UTS2B: variants seen among roughly 807,000 people sequenced by gnomAD.
The protein encoded by UTS2B is urotensin 2B, also known as urotensin-2B.
UTS2B carries 21 observed loss-of-function variants against 19.2 expected under a neutral mutation model. The observed-to-expected ratio is 1.09, with a 90% CI of 0.78 to 1.58. UTS2B has a LOEUF of 1.58. Among genes scored for constraint, UTS2B ranks in the 40% most tolerant of loss-of-function variants. The pLI is 0.00. For missense variants in UTS2B, 138 were observed against 130.3 expected (o/e 1.06, Z -0.29); for synonymous variants, 57 against 50.2 (o/e 1.14, Z -0.58).
intron 3 of UTS2B, among the ~76,000 whole-genome samples, chr3:191,314,856 G>A (rs1717402776): frequency 6.6e-6 from 1 of 152,148 alleles, no homozygotes; most frequent in African/African-American, 2.4e-5. Flanking sequence ...GTTTCTGGAG[G>A]ATGGGGCTCC....
chr3:191,302,707 T>C (rs1357726548), intron 4 of UTS2B, among the ~76,000 whole-genome samples: 1 of 152,212 alleles, frequency 6.6e-6, no homozygotes, highest in African/African-American at 2.4e-5. Context: ...GACATGGAGA[T>C]TGAGAAGAAA....
Position 191,278,142 on chromosome 3 carries a change from A to T in UTS2B, c.132T>A (p.Tyr44Ter), listed in dbSNP as rs1225498855. ...CCAGCAATAGTTCCTCACGATTTGTATATTTTTTATCTGGAAATATTTCAT... is the reference window on the plus strand; with the variant it reads ...CCAGCAATAGTTCCTCACGATTTGTTTATTTTTTATCTGGAAATATTTCAT... The part of the protein sequence containing the change: ...QGNEIFPDKK[Y>*]TNREELLLAL... Residue 44 changes from tyrosine to a stop codon, truncating the protein, a stop_gained, in exon 6 of 9, where the codon TAT becomes TAA. Coordinates refer to ENST00000340524, the MANE Select transcript of UTS2B (RefSeq NM_198152.5). LOFTEE classifies it high-confidence loss of function. The T allele has an allele frequency of 2.6e-6, 4 of 1,553,882 alleles. No individual in the cohort carries two copies. The highest frequency in any genetic ancestry group is 1.7e-4 in the Middle Eastern group (1 of 5,936).
intron 6 of UTS2B, 32 bp downstream of exon 6, chr3:191,278,040 A>C (rs371155849): frequency 4.1e-5 from 47 of 1,149,062 alleles, no homozygotes; most frequent in Admixed American, 5.8e-5. Flanking sequence ...TTATTTTTTA[A>C]TAAATAGAGC....
At chr3:191,297,752 T>C (rs1018757557) in intron 4 of UTS2B, among the ~76,000 whole-genome samples, 3 of 152,236 alleles carry the variant, frequency 2.0e-5, no homozygotes, top group Admixed American at 6.5e-5. Context: ...ACCTGGCACA[T>C]AGTGTTAGTT....
rs190292323 is a variant in UTS2B, at chr3:191,289,192, G to A, written c.-124-6879C>T. Among the ~76,000 whole-genome samples, 28 of 152,132 alleles carry A rather than the reference G, an allele frequency of 1.8e-4. No homozygotes were observed. In the East Asian group the frequency reaches 5.4e-3, roughly 29 times the overall value. On this transcript the variant is annotated intron_variant, in intron 4 of 8. Transcript: ENST00000340524. ...TGGGAGACCGAGGTGGGTGGATCAC[G>A]AAGTCAGGAGATCGAGACCATCCTG...
At chr3:191,329,806 G>T (rs888480461) in intron 1 of UTS2B, 2 of 1,443,936 alleles carry the variant, frequency 1.4e-6, no homozygotes, top group Non-Finnish European at 1.9e-6. Context: ...TTGCCATTTC[G>T]GCTCCCGCGG....
At chr3:191,284,768 TG>T (rs1030219924) in intron 4 of UTS2B, among the ~76,000 whole-genome samples, 6 of 151,844 alleles carry the variant, frequency 4.0e-5, no homozygotes, top group African/African-American at 1.4e-4. Context: ...TTAAGAAATC[TG>T]ATATAATTTC....
chr3:191,275,354 AT>A lies in UTS2B; in HGVS notation c.241-10del. ...TCTTTTAGCTTTTCCAGCTGATAAA[AT>A]TGTAAAATGATAATTAATTGGTCTT... On this transcript the variant is annotated splice_polypyrimidine_tract_variant and intron_variant, in intron 7 of 8. Coordinates refer to ENST00000340524, the MANE Select transcript of UTS2B (RefSeq NM_198152.5). 1 of 1,608,666 alleles carries A rather than the reference AT, an allele frequency of 6.2e-7. No individual in the cohort carries two copies. Among genetic ancestry groups the A allele is most frequent in the South Asian group, 1.1e-5 (1 of 90,970 alleles).
chr3:191,299,917 T>C (rs961263354), intron 4 of UTS2B, among the ~76,000 whole-genome samples: 1 of 152,246 alleles, frequency 6.6e-6, no homozygotes, highest in Non-Finnish European at 1.5e-5. Context: ...GTGCCCTGGA[T>C]AGGAGACATG....
chr3:191,339,881 G>T, the UTS2B span, among the ~76,000 whole-genome samples: 35 of 152,178 alleles, frequency 2.3e-4, no homozygotes, highest in Non-Finnish European at 4.0e-4. Flanking sequence ...TGTGGTGAAA[G>T]ATACTATACA....
intron 4 of UTS2B, among the ~76,000 whole-genome samples, chr3:191,288,368 C>T (rs1398159382): frequency 6.6e-6 from 1 of 152,140 alleles, no homozygotes; most frequent in African/African-American, 2.4e-5. Context: ...CACTACATTA[C>T]TACAATATAC....
intron 8 of UTS2B, among the ~76,000 whole-genome samples, chr3:191,272,312 GA>G: frequency 6.6e-6 from 1 of 152,194 alleles, no homozygotes; most frequent in South Asian, 2.1e-4. Flanking sequence ...CAAGGAAACT[GA>G]TATCATAGGT....
chr3:191,299,790 C>G (rs1716946460), intron 4 of UTS2B, among the ~76,000 whole-genome samples: 1 of 152,230 alleles, frequency 6.6e-6, no homozygotes, highest in Non-Finnish European at 1.5e-5. Context: ...TGCCCTGCAC[C>G]TGGAAGAGCC....
chr3:191,282,417 A>T, intron 4 of UTS2B, 104 bp from the exon 5 acceptor site: 1 of 432,260 alleles, frequency 2.3e-6, no homozygotes. Flanking sequence ...TTTGTTATGG[A>T]GTCAATGGCA....
intron 4 of UTS2B, among the ~76,000 whole-genome samples, chr3:191,302,889 T>G (rs1483547715): frequency 1.3e-5 from 2 of 152,218 alleles, no homozygotes; most frequent in African/African-American, 2.4e-5. Flanking sequence ...AAAGCAGGCA[T>G]GAAGAGGCTC....
chr3:191,282,458 G>T (rs550261061), intron 4 of UTS2B, 145 bp from the exon 5 acceptor site: 2 of 320,588 alleles, frequency 6.2e-6, no homozygotes, highest in Admixed American at 9.5e-5. Flanking sequence ...TCTCATACCC[G>T]CCCACTTCAC....
intron 4 of UTS2B, among the ~76,000 whole-genome samples, chr3:191,282,637 G>A (rs1479070539): frequency 6.6e-6 from 1 of 152,130 alleles, no homozygotes; most frequent in Non-Finnish European, 1.5e-5. Flanking sequence ...GAGCATAGAG[G>A]GCAGGTGAAA....
At chr3:191,317,113 G>T (rs935604561) in intron 2 of UTS2B, among the ~76,000 whole-genome samples, 20 of 152,234 alleles carry the variant, frequency 1.3e-4, no homozygotes. Context: ...TGGGGGTGGG[G>T]GCTCGGGCAT....
chr3:191,329,833 G>A, intron 1 of UTS2B: 6 of 1,090,068 alleles, frequency 5.5e-6, no homozygotes, highest in South Asian at 1.4e-5. Context: ...CCCGGTGCCC[G>A]CCCTGCGTTG....
Sources: allele counts gnomAD v4.1 joint callset (sites outside exome capture counted in the v4.1 genomes callset), GRCh38; gene constraint gnomAD v4.1.1; transcripts MANE v1.5; gene names NCBI Gene and HGNC (gene_info 2026-07-23, HGNC 2026-07-21).